NDRG1: variants seen among roughly 807,000 people sequenced by gnomAD.
The protein encoded by NDRG1 is protein NDRG1.
Under a neutral mutation model 56.9 loss-of-function variants are expected in NDRG1, and 32 were observed. The observed-to-expected ratio is 0.56, with a 90% confidence interval of 0.42 to 0.76. NDRG1 has a LOEUF of 0.76. NDRG1 is among the 30% of genes least tolerant of loss of function. NDRG1 has a pLI of 0.00. For missense variants in NDRG1, 507 were observed against 545.7 expected (o/e 0.93, Z 0.71); for synonymous variants, 211 against 204.1 (o/e 1.03, Z -0.29).
intron 14 of NDRG1, among the ~76,000 whole-genome samples, chr8:133,243,294 G>A (rs1855485808): frequency 6.6e-6 from 1 of 152,208 alleles, no homozygotes; most frequent in African/African-American, 2.4e-5. Context: ...GAACAGGGAC[G>A]CCTGTGTTCG....
chr8:133,268,437 A>C (rs1027482204), intron 3 of NDRG1, among the ~76,000 whole-genome samples: 6 of 152,132 alleles, frequency 3.9e-5, no homozygotes, highest in Admixed American at 1.3e-4. Context: ...GGACTCAAAA[A>C]AGAGGCTTTC....
At chr8:133,250,297 C>A in intron 10 of NDRG1, 143 bp downstream of exon 10, 1 of 801,508 alleles carries the variant, frequency 1.2e-6, no homozygotes, top group Non-Finnish European at 2.2e-6. Context: ...CCTGGGGACA[C>A]CTGTCCTATT....
chr8:133,242,198 TGTTGACAGG>T, intron 14 of NDRG1, 124 bp from the exon 15 acceptor site: 2 of 949,332 alleles, frequency 2.1e-6, no homozygotes, highest in Non-Finnish European at 1.7e-6. Context: ...AGCCATCACG[TGTTGACAGG>T]ACAAAACACA....
intron 14 of NDRG1, among the ~76,000 whole-genome samples, chr8:133,242,726 A>C (rs201806939): frequency 9.5e-5 from 4 of 42,216 alleles, no homozygotes; most frequent in Non-Finnish European, 2.4e-4. Flanking sequence ...AGGAAAAAAG[A>C]AAGAAAGGAA....
chr8:133,274,097 C>T (rs1358887069), intron 3 of NDRG1, among the ~76,000 whole-genome samples: 1 of 152,186 alleles, frequency 6.6e-6, no homozygotes, highest in Non-Finnish European at 1.5e-5. Context: ...GCTGGCAGAA[C>T]CTCATATGCA....
chr8:133,287,038 G>A (rs1002959670), intron 1 of NDRG1, among the ~76,000 whole-genome samples: 1 of 152,184 alleles, frequency 6.6e-6, no homozygotes, highest in Non-Finnish European at 1.5e-5. Flanking sequence ...CCTCACCTCA[G>A]TTCTCCCGAG....
intron 1 of NDRG1, among the ~76,000 whole-genome samples, chr8:133,288,892 A>G (rs187605711): frequency 6.6e-6 from 1 of 152,318 alleles, no homozygotes; most frequent in Non-Finnish European, 1.5e-5. Context: ...TCCAGGTCAC[A>G]GCACCAGCTG....
At chr8:133,295,056 T>C (rs1291045040) in intron 1 of NDRG1, among the ~76,000 whole-genome samples, 5 of 152,192 alleles carry the variant, frequency 3.3e-5, no homozygotes, top group African/African-American at 1.2e-4. Flanking sequence ...GAGTTTTTTA[T>C]TCCATTCCAA....
intron 15 of NDRG1, 84 bp downstream of exon 15, chr8:133,241,939 C>A: frequency 6.6e-7 from 1 of 1,514,582 alleles, no homozygotes; most frequent in Non-Finnish European, 9.2e-7. Context: ...CACAGAATTG[C>A]TCATCCAAAC....
At chr8:133,272,523 G>A (rs1036568000) in intron 3 of NDRG1, among the ~76,000 whole-genome samples, 19 of 152,198 alleles carry the variant, frequency 1.2e-4, no homozygotes, top group South Asian at 4.1e-4. Context: ...ACTCGCTGCC[G>A]CTCACTGCAC....
intron 5 of NDRG1, among the ~76,000 whole-genome samples, chr8:133,260,937 T>C (rs1563625894): frequency 6.6e-6 from 1 of 152,068 alleles, no homozygotes; most frequent in African/African-American, 2.4e-5. Context: ...TCCAACAAGC[T>C]TGACCATAAT....
chr8:133,258,198 G>GTA (rs1271739478), intron 7 of NDRG1, among the ~76,000 whole-genome samples, 168 bp downstream of exon 7: 16 of 151,482 alleles, frequency 1.1e-4, no homozygotes, highest in East Asian at 1.9e-4. Flanking sequence ...AAGGCTGTGA[G>GTA]TATATATATA....
At chr8:133,294,671 TGG>T (rs113471703) in intron 1 of NDRG1, among the ~76,000 whole-genome samples, 1 of 143,848 alleles carries the variant, frequency 7.0e-6, no homozygotes, top group African/African-American at 2.6e-5. Flanking sequence ...TCTTCTGTCA[TGG>T]GGGGGGGGCA....
chr8:133,262,002 C>T, intron 5 of NDRG1, 45 bp downstream of exon 5: 3 of 1,544,378 alleles, frequency 1.9e-6, no homozygotes, highest in Non-Finnish European at 2.6e-6. Flanking sequence ...CTCCCCGACA[C>T]CCAGTTTCCA....
intron 6 of NDRG1, 86 bp from the exon 7 acceptor site, chr8:133,258,512 C>G: frequency 7.3e-7 from 1 of 1,369,062 alleles, no homozygotes; most frequent in Non-Finnish European, 1.0e-6. Context: ...CTGAGGGTGA[C>G]CGCCTGGCTA....
chr8:133,284,858 CACAT>C (rs1446482827), intron 1 of NDRG1: 1 of 456,510 alleles, frequency 2.2e-6, no homozygotes, highest in Non-Finnish European at 4.4e-6. Flanking sequence ...CGCGTGAACA[CACAT>C]ACACACCCCA....
chr8:133,284,155 A>C, intron 2 of NDRG1, 94 bp downstream of exon 2: 1 of 1,166,534 alleles, frequency 8.6e-7, no homozygotes, highest in Non-Finnish European at 1.3e-6. Flanking sequence ...CAGTGTTTGC[A>C]TGCCCATAAG....
At chr8:133,255,451 G>C in intron 8 of NDRG1, 1 of 451,864 alleles carries the variant, frequency 2.2e-6, no homozygotes, top group Middle Eastern at 3.3e-4. Context: ...TGTACTGAAG[G>C]GAATAGTACA....
intron 3 of NDRG1, among the ~76,000 whole-genome samples, chr8:133,270,420 A>G (rs543908154): frequency 6.6e-6 from 1 of 152,336 alleles, no homozygotes; most frequent in African/African-American, 2.4e-5. Context: ...TAAGCAGCAA[A>G]GTGCCTGATA....
Sources: allele counts gnomAD v4.1 joint callset (sites outside exome capture counted in the v4.1 genomes callset), GRCh38; gene constraint gnomAD v4.1.1; transcripts MANE v1.5; gene names NCBI Gene and HGNC (gene_info 2026-07-23, HGNC 2026-07-21).